The following SLC47A1 variants were observed in gnomAD, a reference collection of about 807,000 sequenced individuals.
The protein encoded by SLC47A1 is solute carrier family 47 member 1.
Under a neutral mutation model 65.8 loss-of-function variants are expected in SLC47A1, and 58 were observed. The ratio of observed to expected loss-of-function variants is 0.88; its 90% CI spans 0.71 to 1.10. SLC47A1 has a LOEUF of 1.10. Ranked by LOEUF, SLC47A1 falls within the 50% of genes least tolerant of loss-of-function variation. SLC47A1 has a pLI of 0.00. For synonymous variants in SLC47A1, 285 were observed against 295.0 expected, an observed-to-expected ratio of 0.97 and a Z score of 0.35; for missense variants, 706 against 719.2, an observed-to-expected ratio of 0.98 and a Z score of 0.21.
chr17:19,563,892 G>T (rs1307384572), intron 12 of SLC47A1, among the ~76,000 whole-genome samples: 1 of 152,144 alleles, frequency 6.6e-6, no homozygotes, highest in Non-Finnish European at 1.5e-5. Flanking sequence ...GGGAGGCTGA[G>T]GCAGGAGAAT....
intron 3 of SLC47A1, 95 bp from the exon 4 acceptor site, chr17:19,547,890 C>G: frequency 1.4e-6 from 2 of 1,411,914 alleles, no homozygotes; most frequent in South Asian, 1.5e-5. Context: ...ATCCAGCCAA[C>G]CTGCTTCTTT....
At chr17:19,553,305 G>A (rs1916504944) in intron 6 of SLC47A1, among the ~76,000 whole-genome samples, 1 of 152,148 alleles carries the variant, frequency 6.6e-6, no homozygotes, top group African/African-American at 2.4e-5. Flanking sequence ...CATGCGTGTT[G>A]CAGGCTTGGC....
chr17:19,548,174 C>G, intron 4 of SLC47A1, 41 bp downstream of exon 4: 1 of 1,589,780 alleles, frequency 6.3e-7, no homozygotes, highest in Non-Finnish European at 8.6e-7. Flanking sequence ...GCGTCCATCC[C>G]ACGGAAAGAT....
Position 19,567,143 on chromosome 17 carries a change from A to G in SLC47A1, c.1224A>G (p.Gly408=), listed in dbSNP as rs1425701443. The part of the protein sequence containing the change: ...VLRGSGNQKV[G]AIVNTIGYYV... ...GGGGGAGTGGAAATCAGAAGGTTGG[A>G]GCCATTGTGAATACCATTGGGTACT... The change falls in exon 14 of 17, where the codon GGA becomes GGG. Residue 408 remains glycine, a synonymous_variant. Coordinates refer to ENST00000270570, the MANE Select transcript of SLC47A1 (RefSeq NM_018242.3). 4 of 1,614,140 alleles carry G rather than the reference A, an allele frequency of 2.5e-6. No homozygotes were observed. Among genetic ancestry groups the G allele is most frequent in the South Asian group, 2.2e-5 (2 of 91,084 alleles).
At chr17:19,572,446 A>G (rs1036887693) in intron 15 of SLC47A1, among the ~76,000 whole-genome samples, 1 of 151,752 alleles carries the variant, frequency 6.6e-6, no homozygotes, top group Admixed American at 6.6e-5. Flanking sequence ...GACATGCGCC[A>G]CCATGCCTGG....
At chr17:19,555,115 G>T in intron 6 of SLC47A1, 97 bp from the exon 7 acceptor site, 3 of 1,120,252 alleles carry the variant, frequency 2.7e-6, no homozygotes, top group South Asian at 2.5e-5. Context: ...TGTGATACCC[G>T]CTGAGCAGGC....
At chr17:19,548,928 C>A (rs1319607224) in intron 4 of SLC47A1, among the ~76,000 whole-genome samples, 1 of 152,116 alleles carries the variant, frequency 6.6e-6, no homozygotes, top group Admixed American at 6.5e-5. Context: ...TCTAGACCAG[C>A]GGCTCTGAAC....
chr17:19,552,141 G>A (rs922049506), intron 6 of SLC47A1, among the ~76,000 whole-genome samples: 3 of 152,234 alleles, frequency 2.0e-5, no homozygotes, highest in Non-Finnish European at 2.9e-5. Context: ...AGGGCCAGGA[G>A]GGGAGGAGGA....
chr17:19,577,477 G>C lies in SLC47A1; in HGVS notation c.1637G>C (p.Arg546Pro), dbSNP rs762466587. The change falls in exon 17 of 17, where the codon CGA (arginine) becomes CCA (proline). Residue 546 changes from arginine (R) to proline (P), a missense_variant. Transcript: ENST00000270570. ...KLSRKQLVLR[R>P]GLLLLGVFLI... Reference sequence around the variant, plus strand: ...TCCAGGAAACAGCTGGTGCTGCGGCGAGGGCTTCTGCTCCTGGGGGTCTTC... The same window carrying C: ...TCCAGGAAACAGCTGGTGCTGCGGCCAGGGCTTCTGCTCCTGGGGGTCTTC... The C allele has an allele frequency of 1.9e-6, 3 of 1,614,052 alleles. No individual in the cohort carries two copies. Among genetic ancestry groups the C allele is most frequent in the South Asian group, 2.2e-5 (2 of 91,090 alleles).
At chr17:19,541,876 C>T (rs11651540) in intron 1 of SLC47A1, among the ~76,000 whole-genome samples, 64,314 of 152,018 alleles carry the variant, frequency 0.42, 13,874 homozygotes, top group Middle Eastern at 0.56. Context: ...CCTGTAATCC[C>T]AGCACTTTGG....
Position 19,543,707 on chromosome 17 carries a change from C to G in SLC47A1, c.237+1213C>G, listed in dbSNP as rs181219062. Reference sequence around the variant, plus strand: ...GTCATCAATCTCAGCCAGGAATTGTCAGCTGGCCATGTAAGAACAAAGGGT... The same window carrying G: ...GTCATCAATCTCAGCCAGGAATTGTGAGCTGGCCATGTAAGAACAAAGGGT... On this transcript the variant is annotated intron_variant, in intron 2 of 16. Coordinates refer to ENST00000270570, the MANE Select transcript of SLC47A1 (RefSeq NM_018242.3). Among the ~76,000 whole-genome samples the G allele has an allele frequency of 3.8e-4, 58 of 152,322 alleles. 2 individuals are homozygous for G. The East Asian group carries it at 0.01, about 27-fold the overall frequency.
At chr17:19,544,651 C>CG (rs1272176225) in intron 2 of SLC47A1, among the ~76,000 whole-genome samples, 2 of 152,252 alleles carry the variant, frequency 1.3e-5, no homozygotes, top group Non-Finnish European at 2.9e-5. Context: ...TTCAGACCGC[C>CG]TCTGCACTCC....
chr17:19,577,257 T>C, intron 16 of SLC47A1, 70 bp from the exon 17 acceptor site: 1 of 1,573,334 alleles, frequency 6.4e-7, no homozygotes, highest in Non-Finnish European at 8.6e-7. Flanking sequence ...ATATTCCTTT[T>C]ATACATAGCC....
intron 12 of SLC47A1, 97 bp from the exon 13 acceptor site, chr17:19,566,693 G>A: frequency 8.8e-7 from 1 of 1,134,492 alleles, no homozygotes; most frequent in South Asian, 1.3e-5. Context: ...CCAAAGTGCT[G>A]AGATTACAGG....
At chr17:19,546,681 G>A (rs1340452501) in intron 3 of SLC47A1, among the ~76,000 whole-genome samples, 178 bp downstream of exon 3, 4 of 152,270 alleles carry the variant, frequency 2.6e-5, no homozygotes, top group Non-Finnish European at 5.9e-5. Flanking sequence ...TTTCAGCCTT[G>A]TCAACTAGTT....
chr17:19,560,541 G>T, intron 12 of SLC47A1, 48 bp downstream of exon 12: 1 of 1,575,522 alleles, frequency 6.3e-7, no homozygotes, highest in Non-Finnish European at 8.7e-7. Flanking sequence ...ATAAAGAAAT[G>T]GTTCATTGAG....
chr17:19,552,844 A>C (rs1470148921), intron 6 of SLC47A1, among the ~76,000 whole-genome samples: 2 of 152,126 alleles, frequency 1.3e-5, no homozygotes, highest in East Asian at 3.9e-4. Context: ...GATGGCATCG[A>C]GAGGCGGGCT....
chr17:19,552,232 G>A (rs1172246559), intron 6 of SLC47A1, among the ~76,000 whole-genome samples: 1 of 152,168 alleles, frequency 6.6e-6, no homozygotes, highest in African/African-American at 2.4e-5. Context: ...AAGTAGATAT[G>A]GGGTCTTGCT....
intron 10 of SLC47A1, among the ~76,000 whole-genome samples, chr17:19,556,715 C>T (rs574031844): frequency 3.9e-5 from 6 of 152,208 alleles, no homozygotes; most frequent in South Asian, 4.2e-4. Flanking sequence ...CCTGCCACCA[C>T]GCCCAGCTAA....
Sources: gnomAD v4.1 joint callset for allele counts (sites outside exome capture counted in the v4.1 genomes callset) on GRCh38, gnomAD v4.1.1 for gene constraint, MANE v1.5 for transcripts, NCBI Gene and HGNC (gene_info 2026-07-23, HGNC 2026-07-21) for gene names.